The following LRRN2 variants were observed in gnomAD, a reference collection of about 807,000 sequenced individuals.
LRRN2 encodes leucine-rich repeat neuronal protein 2.
In LRRN2, 10 loss-of-function variants were observed where a neutral mutation model predicts 35.7. That is an observed-to-expected ratio of 0.28 (90% CI 0.17 to 0.47). LRRN2 has a LOEUF of 0.47. Among genes scored for constraint, LRRN2 ranks in the 20% least tolerant of loss-of-function variants. The pLI is 0.99. For synonymous variants in LRRN2, 391 were observed against 409.6 expected, an observed-to-expected ratio of 0.95 and a Z score of 0.55; for missense variants, 731 against 940.3, an observed-to-expected ratio of 0.78 and a Z score of 2.91.
chr1:204,658,973 G>A (rs12079489), intron 1 of LRRN2, among the ~76,000 whole-genome samples: 15,535 of 152,116 alleles, frequency 0.1, 1,321 homozygotes, highest in African/African-American at 0.23. Context: ...GGTATTCTCC[G>A]TTTATCATAA....
Position 204,619,305 on chromosome 1 carries a change from C to T in LRRN2, c.688G>A (p.Asp230Asn), listed in dbSNP as rs139753603. 59 of 1,614,032 alleles carry T rather than the reference C, an allele frequency of 3.7e-5. No homozygotes were observed. Among genetic ancestry groups the T allele is most frequent in the South Asian group, 5.5e-5 (5 of 91,076 alleles). Residue 230 changes from aspartate to asparagine, a missense_variant, in exon 2 of 2, where the codon GAC (aspartate) becomes AAC (asparagine). Around this residue, in one of 3 missense-constraint regions of LRRN2, gnomAD observed 256 missense variants for 392.4 expected, o/e 0.65. Transcript: ENST00000367177. ...CTTTGCAGCCCCTCCAGGGCATAGTCGGAGATCTCCCGCAGGTTCATGCCT... is the reference window on the plus strand; with the variant it reads ...CTTTGCAGCCCCTCCAGGGCATAGTTGGAGATCTCCCGCAGGTTCATGCCT... ...LAGMNLREIS[D>N]YALEGLQSLE... is the part of the protein sequence containing the mutation.
Position 204,617,592 on chromosome 1 carries a change from C to A in LRRN2, c.*259G>T. 2.1e-6 allele frequency: 1 copy of A among 487,490 alleles called. No individual in the cohort carries two copies. Among genetic ancestry groups the A allele is most frequent in the Non-Finnish European group, 3.7e-6 (1 of 271,600 alleles). The allele number at this position is 487,490 out of a possible 1,614,324, so 30.2% of individuals were successfully genotyped here. ...AGAGAGAAGATGGGGAGGCAGGAGG[C>A]TCTAGCCAAAGTCCCTCCTGTTCCT... On this transcript the variant is annotated 3_prime_UTR_variant, in exon 2 of 2. Transcript: ENST00000367177.
chr1:204,662,802 C>T (rs1384963659), intron 1 of LRRN2, among the ~76,000 whole-genome samples: 2 of 152,188 alleles, frequency 1.3e-5, no homozygotes, highest in Non-Finnish European at 1.5e-5. Context: ...AAAACATACT[C>T]CAGCCCTGTC....
At chr1:204,641,909 A>G (rs1667985991) in intron 1 of LRRN2, among the ~76,000 whole-genome samples, 1 of 152,040 alleles carries the variant, frequency 6.6e-6, no homozygotes, top group African/African-American at 2.4e-5. Context: ...GGCCAAACCC[A>G]CTCTCCAATG....
intron 1 of LRRN2, among the ~76,000 whole-genome samples, chr1:204,684,415 G>A (rs1387954691): frequency 6.6e-6 from 1 of 152,128 alleles, no homozygotes; most frequent in Non-Finnish European, 1.5e-5. Flanking sequence ...TCGTTTGGGT[G>A]GGGGAGGAAG....
At chr1:204,671,225 G>C (rs529336779) in intron 1 of LRRN2, among the ~76,000 whole-genome samples, 2 of 152,130 alleles carry the variant, frequency 1.3e-5, no homozygotes, top group East Asian at 3.9e-4. Context: ...TGGGAGGTGA[G>C]GTCCTCAGCT....
intron 1 of LRRN2, among the ~76,000 whole-genome samples, chr1:204,683,923 C>T (rs917958490): frequency 3.3e-5 from 5 of 152,222 alleles, no homozygotes; most frequent in African/African-American, 4.8e-5. Flanking sequence ...GCCACAGGGC[C>T]CAAAGGCAAG....
chr1:204,676,140 G>A (rs776667623), intron 1 of LRRN2, among the ~76,000 whole-genome samples: 1 of 1,078 alleles, frequency 9.3e-4, no homozygotes, highest in Non-Finnish European at 7.6e-3. Flanking sequence ...ACATGGAGCC[G>A]TGTGTGTGTG....
chr1:204,637,055 A>C (rs946137443), intron 1 of LRRN2, among the ~76,000 whole-genome samples: 2 of 152,196 alleles, frequency 1.3e-5, no homozygotes, highest in African/African-American at 4.8e-5. Flanking sequence ...TGATAAGGCA[A>C]GTCTAATAAT....
At chr1:204,641,444 C>T (rs1170104240) in intron 1 of LRRN2, among the ~76,000 whole-genome samples, 1 of 152,214 alleles carries the variant, frequency 6.6e-6, no homozygotes, top group Non-Finnish European at 1.5e-5. Context: ...ATAGGACAAC[C>T]TCACTGACCC....
In LRRN2 at chr1:204,676,139, C is replaced by CGTGTGTGTGTGT. The variant is rs56189865; in HGVS notation, c.-227+9169_-227+9180dup. 1.4e-3 allele frequency among the ~76,000 whole-genome samples: 214 copies of CGTGTGTGTGTGT among 148,968 alleles called. 1 individual carries two copies. The highest frequency in any genetic ancestry group is 5.0e-3 in the African/African-American group (201 of 40,406). Reference sequence around the variant, plus strand: ...ATTTCCATGCAAGGTTACATGGAGCCGTGTGTGTGTGTGTGTGTGTGTGTG... The same window carrying CGTGTGTGTGTGT: ...ATTTCCATGCAAGGTTACATGGAGCCGTGTGTGTGTGTGTGTGTGTGTGTGTGTGTGTGTGTG... On this transcript the variant is annotated intron_variant, in intron 1 of 1. Transcript: ENST00000367177.
Position 204,683,792 on chromosome 1 carries a change from G to A in LRRN2, c.-227+1528C>T, listed in dbSNP as rs2102248432. ...AGGAGAAGCCTGAGTCAGCACAGGG[G>A]AAGGAAGAAGGCCTAGGAGGCTCAG... is the stretch of plus-strand genomic sequence containing the variant. On this transcript the variant is annotated intron_variant, in intron 1 of 1. Coordinates refer to ENST00000367177, the MANE Select transcript of LRRN2 (RefSeq NM_201630.2). 1.3e-5 allele frequency among the ~76,000 whole-genome samples: 2 copies of A among 152,326 alleles called. 1 individual carries two copies. Among genetic ancestry groups the A allele is most frequent in the African/African-American group, 4.8e-5 (2 of 41,576 alleles).
Position 204,618,355 on chromosome 1 carries a change from G to A in LRRN2, c.1638C>T (p.Val546=), listed in dbSNP as rs971113592. ...THPYHILLSW[V]TPPNTVSTNL... is the part of the protein sequence containing the mutation. ...TGGTGGACACTGTGTTGGGTGGGGT[G>A]ACCCAAGATAGCAGGATGTGATAGG... Residue 546 remains valine (V), a synonymous_variant, in exon 2 of 2, where the codon GTC becomes GTT. Transcript: ENST00000367177. The A allele has an allele frequency of 1.9e-6, 3 of 1,598,260 alleles. No homozygotes were observed. Among genetic ancestry groups the A allele is most frequent in the African/African-American group, 2.7e-5 (2 of 74,770 alleles).
chr1:204,630,146 GACTGC>G (rs1667646487), intron 1 of LRRN2, among the ~76,000 whole-genome samples: 3 of 152,186 alleles, frequency 2.0e-5, no homozygotes, highest in Admixed American at 6.5e-5. Context: ...CTGTCTCTCA[GACTGC>G]AAGCTGCTCG....
At chr1:204,636,623 G>A (rs1667841208) in intron 1 of LRRN2, among the ~76,000 whole-genome samples, 1 of 152,126 alleles carries the variant, frequency 6.6e-6, no homozygotes. Flanking sequence ...GTGGGCAGTG[G>A]GCTACAAGGT....
intron 1 of LRRN2, among the ~76,000 whole-genome samples, chr1:204,649,593 CAATT>C (rs1238499125): frequency 2.0e-5 from 3 of 152,152 alleles, no homozygotes; most frequent in African/African-American, 7.2e-5. Flanking sequence ...AGAAGACAGA[CAATT>C]AAGCAAGCAA....
intron 1 of LRRN2, among the ~76,000 whole-genome samples, chr1:204,636,452 C>T (rs1429254404): frequency 6.6e-6 from 1 of 152,208 alleles, no homozygotes; most frequent in Non-Finnish European, 1.5e-5. Flanking sequence ...TATACTAATG[C>T]TGGCCAGGCA....
chr1:204,676,222 A>G, intron 1 of LRRN2, among the ~76,000 whole-genome samples: 1 of 152,072 alleles, frequency 6.6e-6, no homozygotes, highest in South Asian at 2.1e-4. Flanking sequence ...CCAATCTAAC[A>G]GTCATAAAGG....
intron 1 of LRRN2, among the ~76,000 whole-genome samples, chr1:204,632,504 C>G (rs1667731012): frequency 6.6e-6 from 1 of 151,884 alleles, no homozygotes; most frequent in African/African-American, 2.4e-5. Context: ...TGGCATGCAC[C>G]TGTAATCCCA....
Sources: allele counts gnomAD v4.1 joint callset (sites outside exome capture counted in the v4.1 genomes callset), GRCh38; gene constraint gnomAD v4.1.1; regional missense constraint gnomAD v4.1.1; transcripts MANE v1.5; gene names NCBI Gene and HGNC (gene_info 2026-07-23, HGNC 2026-07-21).